The following EHMT1 variants were observed in gnomAD, a reference collection of about 807,000 sequenced individuals.
The protein encoded by EHMT1 is histone-lysine N-methyltransferase EHMT1.
A neutral mutation model predicts 147.2 loss-of-function variants in EHMT1; 15 were observed. The ratio of observed to expected loss-of-function variants is 0.10; its 90% CI spans 0.07 to 0.16. The LOEUF (loss-of-function observed/expected upper bound fraction) is 0.16, where lower values mean the gene tolerates loss of function less well. Ranked by LOEUF, EHMT1 falls within the 10% of genes least tolerant of loss-of-function variation. The pLI, the probability that EHMT1 is intolerant of heterozygous loss-of-function variation, is 1.00. For synonymous variants in EHMT1, 795 were observed against 709.6 expected (o/e 1.12, Z -1.91); for missense variants, 1,587 against 1,772.4 (o/e 0.90, Z 1.88).
At position 137,667,888 on chromosome 9, in the gene EHMT1, G is replaced by A. The variant is rs540290357; in HGVS notation, c.22-43079G>A. Among the ~76,000 whole-genome samples the A allele has an allele frequency of 1.2e-4, 18 of 152,164 alleles. No homozygotes were observed. The East Asian group carries it at 3.3e-3, about 28-fold the overall frequency. On this transcript the variant is annotated intron_variant, in intron 1 of 26. Coordinates refer to ENST00000460843, the MANE Select transcript of EHMT1 (RefSeq NM_024757.5). ...GAGTGTATGCTGCTTATTTGGTTTC[G>A]TGGAATCCAGAAAAGAGCCTATCCA... is the stretch of plus-strand genomic sequence containing the variant.
chr9:137,772,065 A>C (rs1235131955), intron 10 of EHMT1, among the ~76,000 whole-genome samples: 1 of 152,090 alleles, frequency 6.6e-6, no homozygotes, highest in Non-Finnish European at 1.5e-5. Context: ...ACTGGGTATT[A>C]AATTGCGCTG....
At chr9:137,681,764 T>G (rs1024286248) in intron 1 of EHMT1, among the ~76,000 whole-genome samples, 4 of 152,250 alleles carry the variant, frequency 2.6e-5, no homozygotes, top group Non-Finnish European at 5.9e-5. Context: ...TTTTCCCTCC[T>G]GTATTTTGAC....
At chr9:137,623,708 T>C (rs1843081343) in intron 1 of EHMT1, among the ~76,000 whole-genome samples, 1 of 152,098 alleles carries the variant, frequency 6.6e-6, no homozygotes. Flanking sequence ...GGAGTGAGCC[T>C]CCGCACCCGG....
intron 3 of EHMT1, 63 bp downstream of exon 3, chr9:137,717,245 A>G (rs1038656969): frequency 7.5e-5 from 119 of 1,580,718 alleles, no homozygotes; most frequent in Admixed American, 2.3e-4. Flanking sequence ...ATAACGGCAA[A>G]TGGACTTTGG....
In EHMT1 at chr9:137,797,649, G is replaced by A. The variant is rs1953072931; in HGVS notation, c.2506-1164G>A. Among the ~76,000 whole-genome samples the A allele has an allele frequency of 2.0e-5, 3 of 152,170 alleles. No homozygotes were observed. The East Asian group carries it at 5.8e-4, about 29-fold the overall frequency. On this transcript the variant is annotated intron_variant, in intron 16 of 26. Transcript: ENST00000460843. ...TTACAATTCTGAACACTAGCCGTGT[G>A]GGAACCGGGTGTGCTGGCTTTCCTT... is the stretch of plus-strand genomic sequence containing the variant.
intron 1 of EHMT1, chr9:137,674,958 G>A (rs1444147722): frequency 6.6e-6 from 1 of 152,188 alleles, no homozygotes; most frequent in African/African-American, 2.4e-5. Context: ...GCAAACTTCT[G>A]TAAAGGACCA....
intron 8 of EHMT1, among the ~76,000 whole-genome samples, chr9:137,757,386 C>T (rs1426055634): frequency 6.6e-6 from 1 of 152,216 alleles, no homozygotes; most frequent in African/African-American, 2.4e-5. Flanking sequence ...GCCAGGACGC[C>T]CGGGAGGTCA....
chr9:137,720,457 C>T (rs1945835565), intron 3 of EHMT1, among the ~76,000 whole-genome samples: 1 of 152,068 alleles, frequency 6.6e-6, no homozygotes, highest in Non-Finnish European at 1.5e-5. Context: ...ATGTGCACCA[C>T]CCTGCCCGGC....
At chr9:137,796,952 AG>A (rs1352632916) in intron 16 of EHMT1, among the ~76,000 whole-genome samples, 13 of 152,148 alleles carry the variant, frequency 8.5e-5, no homozygotes, top group African/African-American at 3.1e-4. Context: ...CCTGGCAAGC[AG>A]GGCCTCACAC....
At chr9:137,766,566 A>G (rs1385912765) in intron 10 of EHMT1, among the ~76,000 whole-genome samples, 1 of 152,206 alleles carries the variant, frequency 6.6e-6, no homozygotes, top group Non-Finnish European at 1.5e-5. Flanking sequence ...AGTGAGCATC[A>G]GTCGTGCTGC....
intron 3 of EHMT1, among the ~76,000 whole-genome samples, chr9:137,726,606 C>G (rs1257345470): frequency 1.3e-5 from 2 of 152,128 alleles, no homozygotes; most frequent in South Asian, 4.1e-4. Context: ...CTCTTCAAGA[C>G]CCTGCTTTCA....
chr9:137,682,775 A>G (rs1368629577), intron 1 of EHMT1, among the ~76,000 whole-genome samples: 1 of 152,172 alleles, frequency 6.6e-6, no homozygotes, highest in Non-Finnish European at 1.5e-5. Context: ...TCAGTGCTGC[A>G]CTGAGACCCG....
At chr9:137,798,531 T>C (rs1026242645) in intron 16 of EHMT1, among the ~76,000 whole-genome samples, 7 of 152,158 alleles carry the variant, frequency 4.6e-5, no homozygotes, top group Non-Finnish European at 8.8e-5. Flanking sequence ...CTTTTTGCCA[T>C]CTATTATTTT....
At chr9:137,624,586 C>G (rs1014838273) in intron 1 of EHMT1, among the ~76,000 whole-genome samples, 1 of 152,016 alleles carries the variant, frequency 6.6e-6, no homozygotes, top group Non-Finnish European at 1.5e-5. Flanking sequence ...TCCCAAAGTG[C>G]TGGGATTACA....
intron 7 of EHMT1, 95 bp downstream of exon 7, chr9:137,752,503 C>T: frequency 7.1e-7 from 1 of 1,409,844 alleles, no homozygotes; most frequent in Non-Finnish European, 9.8e-7. Flanking sequence ...ACCCTTGTTG[C>T]CTGAGCGCTC....
At chr9:137,799,389 C>G (rs1953256519) in intron 17 of EHMT1, among the ~76,000 whole-genome samples, 2 of 152,328 alleles carry the variant, frequency 1.3e-5, no homozygotes, top group Non-Finnish European at 2.9e-5. Flanking sequence ...ACCCGTCTTC[C>G]TTCCTGCTCA....
At position 137,776,095 on chromosome 9, in the gene EHMT1, A is replaced by G. The variant is rs1265535028; in HGVS notation, c.1792-523A>G. ...ACCTTGCATGTCCTCCCCATCTTCA[A>G]ACATCCTTTTTTTGGTTCTGCTACA... On this transcript the variant is annotated intron_variant, in intron 11 of 26. Transcript: ENST00000460843. The surrounding 1 kb of genome is among the most constrained non-coding windows in gnomAD (Gnocchi z 4.4). Among the ~76,000 whole-genome samples, 1 of 152,156 alleles carries G rather than the reference A, an allele frequency of 6.6e-6. No homozygotes were observed.
chr9:137,663,670 C>G (rs1396316166), intron 1 of EHMT1, among the ~76,000 whole-genome samples: 4 of 152,180 alleles, frequency 2.6e-5, no homozygotes, highest in Non-Finnish European at 5.9e-5. Context: ...TTACACGAGT[C>G]TTGGTATCAT....
intron 1 of EHMT1, among the ~76,000 whole-genome samples, chr9:137,669,326 CACAGCACG>C (rs1564562314): frequency 7.6e-6 from 1 of 131,092 alleles, no homozygotes; most frequent in Non-Finnish European, 1.6e-5. Flanking sequence ...AAGACGCCCC[CACAGCACG>C]TGGACCCCAC....
Sources: allele counts gnomAD v4.1 joint callset (sites outside exome capture counted in the v4.1 genomes callset), GRCh38; gene constraint gnomAD v4.1.1; non-coding constraint Gnocchi (gnomAD v3.1); transcripts MANE v1.5; gene names NCBI Gene and HGNC (gene_info 2026-07-23, HGNC 2026-07-21).